Variants in PAPPA observed in about 807,000 individuals in gnomAD.
PAPPA encodes pappalysin-1.
PAPPA carries 60 observed loss-of-function variants against 164.0 expected under a neutral mutation model. The ratio of observed to expected loss-of-function variants is 0.37; its 90% CI spans 0.30 to 0.45. PAPPA has a LOEUF of 0.45. PAPPA is among the 20% of genes least tolerant of loss of function. The pLI is 1.00. For missense variants in PAPPA, 1,782 were observed against 2,087.3 expected, an observed-to-expected ratio of 0.85 and a Z score of 2.85; for synonymous variants, 875 against 814.1, an observed-to-expected ratio of 1.07 and a Z score of -1.27.
chr9:116,208,713 T>C (rs1413847240), intron 3 of PAPPA, among the ~76,000 whole-genome samples: 1 of 152,230 alleles, frequency 6.6e-6, no homozygotes, highest in Non-Finnish European at 1.5e-5. Flanking sequence ...TGCTATTCTG[T>C]CTTGGAAATG....
intron 7 of PAPPA, among the ~76,000 whole-genome samples, chr9:116,252,857 C>T (rs953588064): frequency 6.6e-6 from 1 of 152,146 alleles, no homozygotes; most frequent in African/African-American, 2.4e-5. Flanking sequence ...GAAAAATTTA[C>T]CTCTGTCTTG....
At chr9:116,155,710 T>C (rs925190995) in intron 1 of PAPPA, among the ~76,000 whole-genome samples, 3 of 152,158 alleles carry the variant, frequency 2.0e-5, no homozygotes, top group African/African-American at 7.2e-5. Context: ...CTTCCTGTCT[T>C]TCCATGGCTT....
chr9:116,270,708 C>G (rs1255631180), intron 8 of PAPPA, among the ~76,000 whole-genome samples: 2 of 152,084 alleles, frequency 1.3e-5, no homozygotes, highest in Non-Finnish European at 2.9e-5. Context: ...ATAATTCCAA[C>G]AAAAACAAAG....
In PAPPA at chr9:116,398,374, C is replaced by T. The variant is rs1846994946; in HGVS notation, c.*1758C>T. 3 of 335,396 alleles carry T rather than the reference C, an allele frequency of 8.9e-6. No homozygotes were observed. The highest frequency in any genetic ancestry group is 4.8e-5 in the South Asian group (2 of 41,616). 20.8% of individuals were successfully genotyped at this position (335,396 alleles called of 1,614,324 possible). A position where few individuals can be genotyped will look rare whatever the true frequency, so the allele number is the denominator to read the frequency against. On this transcript the variant is annotated 3_prime_UTR_variant, in exon 22 of 22. Coordinates refer to ENST00000328252, the MANE Select transcript of PAPPA (RefSeq NM_002581.5). ...GTCATCTCAAGTCTAGTGAAGACAG[C>T]CAACAGAAACAAAACCTAGCATAGG...
chr9:116,261,971 G>T (rs1327507734), intron 7 of PAPPA, among the ~76,000 whole-genome samples: 1 of 152,000 alleles, frequency 6.6e-6, no homozygotes, highest in Non-Finnish European at 1.5e-5. Context: ...CCAGCACTTT[G>T]GGAGGCCGAG....
chr9:116,228,381 A>T (rs1390835964), intron 6 of PAPPA, among the ~76,000 whole-genome samples: 2 of 152,140 alleles, frequency 1.3e-5, no homozygotes, highest in Non-Finnish European at 2.9e-5. Context: ...TCATGCCAGC[A>T]GTCACTGGGT....
Position 116,227,563 on chromosome 9 carries a change from C to G in PAPPA, c.2233+11C>G, listed in dbSNP as rs980090560. 3 of 1,613,638 alleles carry G rather than the reference C, an allele frequency of 1.9e-6. No individual in the cohort carries two copies. The Admixed American group carries it at 5.0e-5, about 27-fold the overall frequency. On this transcript the variant is annotated intron_variant, in intron 6 of 21. Transcript: ENST00000328252. ...CTCGTGAAGCAGAAGGTAAGCCAGC[C>G]TTCTGGAAGCTCATTGACAGGAGGA...
At chr9:116,167,891 G>A (rs1285594814) in intron 1 of PAPPA, among the ~76,000 whole-genome samples, 1 of 152,148 alleles carries the variant, frequency 6.6e-6, no homozygotes, top group Non-Finnish European at 1.5e-5. Flanking sequence ...AATCTGCTCA[G>A]TTTACTGACT....
chr9:116,189,536 T>C (rs1484104021), intron 2 of PAPPA, among the ~76,000 whole-genome samples: 3 of 152,212 alleles, frequency 2.0e-5, no homozygotes, highest in African/African-American at 7.2e-5. Context: ...GCCTTCAGTC[T>C]AATGCCTCAC....
intron 10 of PAPPA, among the ~76,000 whole-genome samples, chr9:116,325,152 A>G (rs1845905305): frequency 6.6e-6 from 1 of 152,192 alleles, no homozygotes; most frequent in Admixed American, 6.5e-5. Context: ...TTTGTAATTA[A>G]GTACGCAGAA....
chr9:116,266,890 C>T (rs1420846012), intron 8 of PAPPA, among the ~76,000 whole-genome samples: 1 of 152,178 alleles, frequency 6.6e-6, no homozygotes, highest in Non-Finnish European at 1.5e-5. Flanking sequence ...ATTTGCAAGT[C>T]ACACTATTGC....
chr9:116,367,097 ACTT>A (rs1846510817), intron 18 of PAPPA, among the ~76,000 whole-genome samples: 1 of 152,184 alleles, frequency 6.6e-6, no homozygotes, highest in African/African-American at 2.4e-5. Context: ...TTCAGGGCAA[ACTT>A]CTTAGAAGAA....
At chr9:116,178,030 G>GC (rs1843857698) in intron 1 of PAPPA, among the ~76,000 whole-genome samples, 1 of 152,106 alleles carries the variant, frequency 6.6e-6, no homozygotes, top group Non-Finnish European at 1.5e-5. Context: ...ACCTTTATGT[G>GC]TGTGTTTAAC....
intron 2 of PAPPA, among the ~76,000 whole-genome samples, chr9:116,194,975 C>A (rs1321139373): frequency 1.3e-5 from 2 of 152,122 alleles, no homozygotes; most frequent in Non-Finnish European, 2.9e-5. Context: ...TTCTATCAAA[C>A]TCATTGAGTT....
chr9:116,267,301 G>A (rs368704568), intron 8 of PAPPA, among the ~76,000 whole-genome samples: 1 of 152,240 alleles, frequency 6.6e-6, no homozygotes, highest in Admixed American at 6.5e-5. Context: ...TAGGAATACA[G>A]CAAGGATGAT....
chr9:116,302,420 C>G (rs182988373), intron 9 of PAPPA, among the ~76,000 whole-genome samples: 2 of 152,198 alleles, frequency 1.3e-5, no homozygotes, highest in Admixed American at 1.3e-4. Context: ...CACCATTTTA[C>G]TTTCTACTTC....
intron 3 of PAPPA, among the ~76,000 whole-genome samples, chr9:116,208,217 G>A (rs1045404121): frequency 2.0e-5 from 3 of 152,180 alleles, no homozygotes; most frequent in Non-Finnish European, 4.4e-5. Flanking sequence ...ACCAGGCCCT[G>A]TAAGCAAACA....
At chr9:116,343,952 G>C (rs962877638) in intron 13 of PAPPA, among the ~76,000 whole-genome samples, 1 of 151,914 alleles carries the variant, frequency 6.6e-6, no homozygotes, top group African/African-American at 2.4e-5. Context: ...TTTTTTAGCA[G>C]AGGTGGGGTT....
At chr9:116,298,630 A>G (rs1845539994) in intron 9 of PAPPA, among the ~76,000 whole-genome samples, 1 of 152,224 alleles carries the variant, frequency 6.6e-6, no homozygotes, top group African/African-American at 2.4e-5. Flanking sequence ...TTTAAACTGT[A>G]TTTGGTTGAG....
Sources: allele counts gnomAD v4.1 joint callset (sites outside exome capture counted in the v4.1 genomes callset), GRCh38; gene constraint gnomAD v4.1.1; transcripts MANE v1.5; gene names NCBI Gene and HGNC (gene_info 2026-07-23, HGNC 2026-07-21).